Variants in AUTS2 observed in about 807,000 individuals in gnomAD.
AUTS2 encodes the protein activator of transcription and developmental regulator AUTS2, also known as autism susceptibility gene 2 protein.
A neutral mutation model predicts 112.4 loss-of-function variants in AUTS2; 17 were observed. The ratio of observed to expected loss-of-function variants is 0.15; its 90% CI spans 0.10 to 0.23. AUTS2 has a LOEUF of 0.23. Ranked by LOEUF, AUTS2 falls within the 10% of genes least tolerant of loss-of-function variation. AUTS2 has a pLI of 1.00. For missense variants in AUTS2, 1,510 were observed against 1,701.6 expected (o/e 0.89, Z 1.98); for synonymous variants, 751 against 702.7 (o/e 1.07, Z -1.09).
intron 6 of AUTS2, among the ~76,000 whole-genome samples, chr7:70,734,406 C>G (rs544030805): frequency 2.2e-3 from 335 of 151,814 alleles, no homozygotes; most frequent in Non-Finnish European, 4.2e-3. Flanking sequence ...CGCCACTGCA[C>G]TCCAGCCTGG....
At position 69,599,729 on chromosome 7, in the gene AUTS2, TC is replaced by T; in HGVS notation, c.79del (p.Arg27GlyfsTer67). 7.5e-7 allele frequency: 1 copy of T among 1,324,996 alleles called. No individual in the cohort carries two copies. The highest frequency in any genetic ancestry group is 9.6e-7 in the Non-Finnish European group (1 of 1,042,998). 82.1% of individuals were successfully genotyped at this position (1,324,996 alleles called of 1,614,324 possible). ...SRSQRDRERR[S>X]RGGLGAGAAG... is the part of the protein sequence containing the mutation. ...GTCGCAGCGAGACCGGGAGAGGCGC[TC>T]CCGGGGCGGGCTGGGGGCCGGCGCG... On this transcript the variant is annotated frameshift_variant, in exon 1 of 19. Coordinates refer to ENST00000342771, the MANE Select transcript of AUTS2 (RefSeq NM_015570.4). LOFTEE classifies it high-confidence loss of function. The surrounding 1 kb of genome is among the most constrained non-coding windows in gnomAD (Gnocchi z 7.0).
intron 5 of AUTS2, among the ~76,000 whole-genome samples, chr7:70,540,693 G>A (rs1358643487): frequency 6.6e-6 from 1 of 152,120 alleles, no homozygotes; most frequent in Non-Finnish European, 1.5e-5. Context: ...TTACTCTGAG[G>A]ATGCAGCTAC....
chr7:70,329,656 T>C (rs1790654475), intron 4 of AUTS2, among the ~76,000 whole-genome samples: 2 of 150,636 alleles, frequency 1.3e-5, no homozygotes, highest in South Asian at 4.3e-4. Context: ...AAGCATTCTT[T>C]ATGTATTCTG....
chr7:70,713,722 G>T (rs868618042), intron 6 of AUTS2, among the ~76,000 whole-genome samples: 1 of 152,048 alleles, frequency 6.6e-6, no homozygotes. Flanking sequence ...GTGAAACCCC[G>T]TTTCTACTAA....
chr7:70,205,404 A>G (rs1183318567), intron 4 of AUTS2, among the ~76,000 whole-genome samples: 1 of 152,176 alleles, frequency 6.6e-6, no homozygotes, highest in Non-Finnish European at 1.5e-5. Flanking sequence ...GGGCAAATGC[A>G]GTCATGCACC....
chr7:70,788,813 C>T (rs1248083778), intron 18 of AUTS2, among the ~76,000 whole-genome samples: 1 of 152,250 alleles, frequency 6.6e-6, no homozygotes, highest in Non-Finnish European at 1.5e-5. Flanking sequence ...GCATGGCAGC[C>T]TGCTGCTCTC....
intron 1 of AUTS2, among the ~76,000 whole-genome samples, chr7:69,672,058 T>C (rs904754086): frequency 5.3e-5 from 8 of 151,480 alleles, no homozygotes; most frequent in African/African-American, 1.9e-4. Context: ...GTAACTTTTC[T>C]TTTTCTTTTT....
intron 2 of AUTS2, among the ~76,000 whole-genome samples, chr7:70,063,690 T>C (rs1050402387): frequency 6.6e-6 from 1 of 152,202 alleles, no homozygotes; most frequent in African/African-American, 2.4e-5. Context: ...TGAGTTTTTG[T>C]TAGGCCCTTC....
At chr7:70,603,073 A>G (rs192232879) in intron 5 of AUTS2, among the ~76,000 whole-genome samples, 6 of 152,332 alleles carry the variant, frequency 3.9e-5, no homozygotes, top group South Asian at 4.1e-4. Flanking sequence ...AGTTATATCT[A>G]CGTAGAAGAT....
Position 69,984,249 on chromosome 7 carries a change from C to CA in AUTS2, c.522+84759dup, listed in dbSNP as rs1446142455. 5.3e-5 allele frequency among the ~76,000 whole-genome samples: 8 copies of CA among 151,246 alleles called. No individual in the cohort carries two copies. The East Asian group carries it at 5.9e-4, about 11-fold the overall frequency. On this transcript the variant is annotated intron_variant, in intron 2 of 18. Transcript: ENST00000342771. The stretch of plus-strand genomic sequence containing the variant: ...TGAAACCCCGTCTCTACTAAAAATA[C>CA]AAAAAAAATTAGCCGGGCATGGTGG...
chr7:69,655,098 A>G (rs1450819098), intron 1 of AUTS2, among the ~76,000 whole-genome samples: 1 of 152,228 alleles, frequency 6.6e-6, no homozygotes, highest in Non-Finnish European at 1.5e-5. Context: ...ATGCACCTGA[A>G]TAACAATAGG....
intron 2 of AUTS2, among the ~76,000 whole-genome samples, chr7:69,970,584 C>T (rs1258668224): frequency 1.3e-5 from 2 of 152,128 alleles, no homozygotes; most frequent in East Asian, 3.9e-4. Context: ...GCCTCCTAAT[C>T]GATCTCCCTG....
intron 1 of AUTS2, among the ~76,000 whole-genome samples, chr7:69,614,365 T>TTTCTTTCTTTC (rs1793228070): frequency 3.1e-5 from 1 of 32,068 alleles, no homozygotes; most frequent in African/African-American, 8.1e-5. Flanking sequence ...TCTTTCTTTC[T>TTTCTTTCTTTC]TTTTTTAAGA....
At chr7:70,561,515 A>C (rs1801485708) in intron 5 of AUTS2, among the ~76,000 whole-genome samples, 1 of 152,038 alleles carries the variant, frequency 6.6e-6, no homozygotes, top group Non-Finnish European at 1.5e-5. Context: ...AGTCCCAGCT[A>C]CTCAGGAAGC....
chr7:70,341,762 A>G (rs971099042), intron 4 of AUTS2, among the ~76,000 whole-genome samples: 55 of 152,236 alleles, frequency 3.6e-4, no homozygotes, highest in African/African-American at 1.2e-3. Flanking sequence ...TCCTTAAAGA[A>G]TGGAATCTGT....
chr7:69,889,067 CTTTAAG>C (rs1794404961), intron 1 of AUTS2, among the ~76,000 whole-genome samples: 1 of 152,136 alleles, frequency 6.6e-6, no homozygotes, highest in African/African-American at 2.4e-5. Flanking sequence ...GTTCATTCTC[CTTTAAG>C]TTTTTGTTTT....
At chr7:69,677,253 C>T (rs562684089) in intron 1 of AUTS2, among the ~76,000 whole-genome samples, 2 of 152,230 alleles carry the variant, frequency 1.3e-5, no homozygotes, top group South Asian at 2.1e-4. Context: ...CTGAGCTGCC[C>T]ATCACTCTAC....
chr7:69,612,478 T>C (rs189946742), intron 1 of AUTS2, among the ~76,000 whole-genome samples: 2 of 152,100 alleles, frequency 1.3e-5, no homozygotes, highest in Non-Finnish European at 2.9e-5. Context: ...TTTTTTTTTT[T>C]AGACATGTTC....
rs1431116831 is a variant in AUTS2 at position 70,353,368 on chromosome 7, C to T, written c.661-82384C>T. 2.0e-5 allele frequency among the ~76,000 whole-genome samples: 3 copies of T among 152,096 alleles called. No homozygotes were observed. The East Asian group carries it at 5.8e-4, about 29-fold the overall frequency. The stretch of plus-strand genomic sequence containing the variant: ...CAGAGATTCTTTTTTCTAAAATTTT[C>T]TAAATACTATGGTTGTGTCCCTTAA... On this transcript the variant is annotated intron_variant, in intron 4 of 18. Transcript: ENST00000342771.
Sources: gnomAD v4.1 joint callset for allele counts (sites outside exome capture counted in the v4.1 genomes callset) on GRCh38, gnomAD v4.1.1 for gene constraint, Gnocchi (gnomAD v3.1) non-coding constraint, MANE v1.5 for transcripts, NCBI Gene and HGNC (gene_info 2026-07-23, HGNC 2026-07-21) for gene names.